Variants in ATXN10 observed in about 807,000 individuals in gnomAD.
The protein encoded by ATXN10 is ataxin-10.
A neutral mutation model predicts 52.9 loss-of-function variants in ATXN10; 28 were observed. That is an observed-to-expected ratio of 0.53 (90% CI 0.39 to 0.73). The LOEUF (loss-of-function observed/expected upper bound fraction) is 0.73, where lower values mean the gene tolerates loss of function less well. Ranked by LOEUF, ATXN10 falls within the 30% of genes least tolerant of loss-of-function variation. The probability of loss-of-function intolerance (pLI) is 0.00; values close to 1 mark genes in which losing one functional copy is unlikely to be tolerated. For missense variants in ATXN10, 565 were observed against 577.0 expected (o/e 0.98, Z 0.21); for synonymous variants, 226 against 221.5 (o/e 1.02, Z -0.18).
At position 45,824,163 on chromosome 22, in the gene ATXN10, G is replaced by A. The variant is rs1355686392; in HGVS notation, c.1237+17141G>A. 1.3e-5 allele frequency among the ~76,000 whole-genome samples: 2 copies of A among 151,826 alleles called. No homozygotes were observed. The highest frequency in any genetic ancestry group is 4.8e-5 in the African/African-American group (2 of 41,318). ...GTCAGCCCGTCCTGTTTTCCCTTCC[G>A]GCACTCTGGCCACCCTCTTCTAATA... On this transcript the variant is annotated intron_variant, in intron 10 of 11. Coordinates refer to ENST00000252934, the MANE Select transcript of ATXN10 (RefSeq NM_013236.4). This position sits in a 1 kb window ranked among gnomAD's most constrained non-coding sequence, Gnocchi z 5.2.
At chr22:45,812,808 G>A (rs760335555) in intron 10 of ATXN10, among the ~76,000 whole-genome samples, 2 of 152,128 alleles carry the variant, frequency 1.3e-5, no homozygotes, top group South Asian at 2.1e-4. Flanking sequence ...GAGTCTACCC[G>A]TGCCCCATGG....
chr22:45,685,719 T>C (rs1923110316), intron 1 of ATXN10, among the ~76,000 whole-genome samples: 1 of 152,194 alleles, frequency 6.6e-6, no homozygotes, highest in African/African-American at 2.4e-5. Flanking sequence ...TTTCATAGTA[T>C]TTACTGTTAC....
intron 10 of ATXN10, among the ~76,000 whole-genome samples, chr22:45,822,265 TG>T (rs1340928962): frequency 3.9e-5 from 6 of 152,222 alleles, no homozygotes; most frequent in African/African-American, 1.4e-4. Flanking sequence ...GTGAGCATCT[TG>T]GTACATACAG....
At chr22:45,721,616 T>TA (rs1460215261) in intron 6 of ATXN10, among the ~76,000 whole-genome samples, 4 of 152,230 alleles carry the variant, frequency 2.6e-5, no homozygotes, top group Non-Finnish European at 2.9e-5. Context: ...TTACTACTAT[T>TA]ACTGCAACTA....
intron 7 of ATXN10, among the ~76,000 whole-genome samples, chr22:45,736,805 A>G (rs1925315562): frequency 6.6e-6 from 1 of 152,166 alleles, no homozygotes; most frequent in African/African-American, 2.4e-5. Flanking sequence ...CAAGAAGCAC[A>G]TGAGGCTTGG....
At chr22:45,807,972 A>G (rs889179279) in intron 10 of ATXN10, among the ~76,000 whole-genome samples, 4 of 152,240 alleles carry the variant, frequency 2.6e-5, no homozygotes, top group Non-Finnish European at 5.9e-5. Context: ...TGTGTTTCAA[A>G]GTAAGTAGAC....
intron 5 of ATXN10, 24 bp downstream of exon 5, chr22:45,702,871 A>G: frequency 2.5e-6 from 4 of 1,613,256 alleles, no homozygotes; most frequent in Non-Finnish European, 3.4e-6. Flanking sequence ...TAGAAATTTG[A>G]TTGCTTTGGG....
At chr22:45,777,754 A>G (rs938774391) in intron 9 of ATXN10, among the ~76,000 whole-genome samples, 8 of 152,230 alleles carry the variant, frequency 5.3e-5, no homozygotes, top group Admixed American at 5.2e-4. Flanking sequence ...CTGCCTGTTC[A>G]CTTAAGCTCT....
chr22:45,679,009 T>G (rs964727028), intron 1 of ATXN10: 1 of 152,254 alleles, frequency 6.6e-6, no homozygotes, highest in Non-Finnish European at 1.5e-5. Flanking sequence ...ATTCCTTTGC[T>G]TATACACACT....
At chr22:45,698,861 A>G (rs1387254762) in intron 3 of ATXN10, among the ~76,000 whole-genome samples, 2 of 152,334 alleles carry the variant, frequency 1.3e-5, no homozygotes, top group East Asian at 3.9e-4. Flanking sequence ...AATACAAATA[A>G]TCTTTTAAAA....
chr22:45,724,078 A>G (rs1051213501), intron 6 of ATXN10, among the ~76,000 whole-genome samples: 1 of 151,082 alleles, frequency 6.6e-6, no homozygotes, highest in Admixed American at 6.6e-5. Flanking sequence ...TTCTTTGTTC[A>G]TTCCTCAGTT....
At position 45,762,119 on chromosome 22, in the gene ATXN10, T is replaced by G. The variant is rs905055287; in HGVS notation, c.1173+21581T>G. Among the ~76,000 whole-genome samples, 2 of 152,206 alleles carry G rather than the reference T, an allele frequency of 1.3e-5. No homozygotes were observed. Among genetic ancestry groups the G allele is most frequent in the African/African-American group, 4.8e-5 (2 of 41,446 alleles). On this transcript the variant is annotated intron_variant, in intron 9 of 11. Transcript: ENST00000252934. The surrounding 1 kb of genome is among the most constrained non-coding windows in gnomAD (Gnocchi z 4.3). The stretch of plus-strand genomic sequence containing the variant: ...TACTCATAAAAGATAGTATTTTACT[T>G]GTAACAATTGCAGAAAAAGTGAAAA...
chr22:45,752,936 G>A (rs1926036057), intron 9 of ATXN10, among the ~76,000 whole-genome samples: 1 of 152,004 alleles, frequency 6.6e-6, no homozygotes, highest in African/African-American at 2.4e-5. Flanking sequence ...GTTTTCCCAT[G>A]TTGGTCAGGG....
At chr22:45,751,332 A>AT in intron 9 of ATXN10, among the ~76,000 whole-genome samples, 1 of 152,304 alleles carries the variant, frequency 6.6e-6, no homozygotes, top group South Asian at 2.1e-4. Context: ...CAGTTGAAAG[A>AT]TTTTTAAAAG....
chr22:45,735,812 C>CT lies in ATXN10; in HGVS notation c.895-2896dup, dbSNP rs746222703. Among the ~76,000 whole-genome samples the CT allele has an allele frequency of 8.6e-3, 563 of 65,818 alleles. 8 individuals are homozygous for CT. The highest frequency in any genetic ancestry group is 0.017 in the South Asian group (23 of 1,326). The allele number at this position is 65,818 out of a possible 152,430, so 43.2% of individuals were successfully genotyped here. On this transcript the variant is annotated intron_variant, in intron 7 of 11. Transcript: ENST00000252934. ...CACGATGTTCCCTTCATTTGCTTGT[C>CT]TTTTTTTTTTTTTTTTTTTTTTTGC...
chr22:45,682,463 A>G (rs1922964235), intron 1 of ATXN10, among the ~76,000 whole-genome samples: 1 of 151,552 alleles, frequency 6.6e-6, no homozygotes, highest in African/African-American at 2.4e-5. Context: ...ATCCACCACC[A>G]CACCCGGCTA....
intron 6 of ATXN10, among the ~76,000 whole-genome samples, chr22:45,720,007 T>TGA (rs1337715533): frequency 6.6e-6 from 1 of 152,208 alleles, no homozygotes; most frequent in Non-Finnish European, 1.5e-5. Flanking sequence ...AAAATAGTTT[T>TGA]TCAGTGAAAG....
Position 45,787,366 on chromosome 22 carries a change from T to G in ATXN10, c.1174-19593T>G, listed in dbSNP as rs989754431. On this transcript the variant is annotated intron_variant, in intron 9 of 11. Coordinates refer to ENST00000252934, the MANE Select transcript of ATXN10 (RefSeq NM_013236.4). This position sits in a 1 kb window ranked among gnomAD's most constrained non-coding sequence, Gnocchi z 4.2. ...TGACTCCAAAACTGGAGTTCGGACC[T>G]TTTTCCGTCTACCGCTGTGTCTTGA... Among the ~76,000 whole-genome samples the G allele has an allele frequency of 6.6e-6, 1 of 152,100 alleles. No individual in the cohort carries two copies. Among genetic ancestry groups the G allele is most frequent in the Non-Finnish European group, 1.5e-5 (1 of 68,004 alleles).
rs373981510 is a variant in ATXN10 at position 45,827,358 on chromosome 22, G to A, written c.1238-15633G>A. Reference sequence around the variant, plus strand: ...AATGGATCAAGCTGTGTAATCAAAAGACAGAGATTAACAGAATGGATAAAA... The same window carrying A: ...AATGGATCAAGCTGTGTAATCAAAAAACAGAGATTAACAGAATGGATAAAA... On this transcript the variant is annotated intron_variant, in intron 10 of 11. Transcript: ENST00000252934. Among the ~76,000 whole-genome samples, 36 of 152,230 alleles carry A rather than the reference G, an allele frequency of 2.4e-4. No homozygotes were observed. The East Asian group carries it at 6.0e-3, about 25-fold the overall frequency.
Sources: gnomAD v4.1 joint callset for allele counts (sites outside exome capture counted in the v4.1 genomes callset) on GRCh38, gnomAD v4.1.1 for gene constraint, Gnocchi (gnomAD v3.1) non-coding constraint, MANE v1.5 for transcripts, NCBI Gene and HGNC (gene_info 2026-07-23, HGNC 2026-07-21) for gene names.